Variants in CDH8 observed in about 807,000 individuals in gnomAD.
CDH8 encodes cadherin-8.
In CDH8, 17 loss-of-function variants were observed where a neutral mutation model predicts 68.1. The observed-to-expected ratio is 0.25, with a 90% CI of 0.17 to 0.37. CDH8 has a LOEUF of 0.37. Ranked by LOEUF, CDH8 falls within the 10% of genes least tolerant of loss-of-function variation. CDH8 has a pLI of 1.00. For missense variants in CDH8, 763 were observed against 999.3 expected, an observed-to-expected ratio of 0.76 and a Z score of 3.19; for synonymous variants, 372 against 365.1, an observed-to-expected ratio of 1.02 and a Z score of -0.21.
intron 7 of CDH8, among the ~76,000 whole-genome samples, chr16:61,799,258 C>T (rs968743056): frequency 6.6e-6 from 1 of 152,060 alleles, no homozygotes; most frequent in Non-Finnish European, 1.5e-5. Context: ...GAAATAGAGT[C>T]AAGGTTGACA....
chr16:61,972,688 A>G (rs1170729801), intron 2 of CDH8, among the ~76,000 whole-genome samples: 2 of 151,902 alleles, frequency 1.3e-5, no homozygotes, highest in Non-Finnish European at 2.9e-5. Context: ...GAGCAGGAAT[A>G]TGACCCAATC....
intron 8 of CDH8, among the ~76,000 whole-genome samples, chr16:61,778,841 T>C (rs1039672722): frequency 2.6e-5 from 4 of 152,152 alleles, no homozygotes; most frequent in African/African-American, 9.7e-5. Context: ...ATGAACTGCC[T>C]ATAAAGGTAT....
intron 8 of CDH8, among the ~76,000 whole-genome samples, chr16:61,740,200 C>T (rs1012768500): frequency 1.2e-4 from 18 of 151,714 alleles, no homozygotes; most frequent in African/African-American, 3.4e-4. Flanking sequence ...CCACTGCGCC[C>T]GGCCAATATA....
At chr16:62,018,900 T>C (rs1480809557) in intron 2 of CDH8, among the ~76,000 whole-genome samples, 2 of 152,238 alleles carry the variant, frequency 1.3e-5, no homozygotes, top group African/African-American at 4.8e-5. Flanking sequence ...GCTGTTTACC[T>C]CTATCTCTAT....
chr16:61,662,926 T>C (rs1372920720), intron 10 of CDH8, among the ~76,000 whole-genome samples: 1 of 152,004 alleles, frequency 6.6e-6, no homozygotes, highest in Non-Finnish European at 1.5e-5. Context: ...CATTCTTTTG[T>C]AATGCTTTAC....
At chr16:61,781,468 A>G (rs1961053214) in intron 8 of CDH8, among the ~76,000 whole-genome samples, 1 of 152,088 alleles carries the variant, frequency 6.6e-6, no homozygotes, top group Admixed American at 6.5e-5. Flanking sequence ...AAAAAAAACT[A>G]CAATTAGCCA....
intron 2 of CDH8, among the ~76,000 whole-genome samples, chr16:61,958,555 A>C (rs557578770): frequency 6.6e-6 from 1 of 152,282 alleles, no homozygotes; most frequent in Non-Finnish European, 1.5e-5. Flanking sequence ...AAAAATATAA[A>C]GGTTAGAAGG....
At chr16:61,975,591 A>AT (rs1466805433) in intron 2 of CDH8, among the ~76,000 whole-genome samples, 1 of 152,132 alleles carries the variant, frequency 6.6e-6, no homozygotes, top group Non-Finnish European at 1.5e-5. Flanking sequence ...CAATAGTTTG[A>AT]TAAAAAAATC....
chr16:61,691,426 CAT>C (rs1179399803), intron 10 of CDH8, among the ~76,000 whole-genome samples: 1 of 151,664 alleles, frequency 6.6e-6, no homozygotes. Context: ...GCCTCCATCT[CAT>C]TATCCCTATA....
chr16:61,930,141 T>G (rs1002710139), intron 2 of CDH8, among the ~76,000 whole-genome samples: 4 of 152,228 alleles, frequency 2.6e-5, no homozygotes, highest in African/African-American at 2.4e-5. Flanking sequence ...CTTACTTATA[T>G]TTGTATTATC....
chr16:61,715,410 T>G (rs1392760063), intron 9 of CDH8, among the ~76,000 whole-genome samples: 1 of 151,628 alleles, frequency 6.6e-6, no homozygotes, highest in African/African-American at 2.4e-5. Context: ...CTCTGAAACT[T>G]CAATTTCTTG....
intron 4 of CDH8, among the ~76,000 whole-genome samples, chr16:61,842,111 G>C (rs1358532174): frequency 6.9e-6 from 1 of 144,088 alleles, no homozygotes; most frequent in Non-Finnish European, 1.5e-5. Flanking sequence ...ATTTCACCAT[G>C]CTAGCCAGGA....
intron 3 of CDH8, among the ~76,000 whole-genome samples, chr16:61,859,298 G>A (rs1383714456): frequency 6.6e-6 from 1 of 152,118 alleles, no homozygotes; most frequent in African/African-American, 2.4e-5. Flanking sequence ...AGAAGAATTG[G>A]GAGTAAAACC....
chr16:61,961,097 C>T (rs1026858248), intron 2 of CDH8, among the ~76,000 whole-genome samples: 7 of 152,090 alleles, frequency 4.6e-5, no homozygotes, highest in African/African-American at 1.7e-4. Flanking sequence ...GGGTGGATTA[C>T]TCGAGGTCAG....
chr16:61,739,037 T>C (rs1959787145), intron 8 of CDH8, among the ~76,000 whole-genome samples: 1 of 152,162 alleles, frequency 6.6e-6, no homozygotes, highest in Non-Finnish European at 1.5e-5. Flanking sequence ...TTATTGCTTC[T>C]CATGTCCCTT....
At chr16:61,790,934 A>T (rs1961363513) in intron 7 of CDH8, among the ~76,000 whole-genome samples, 1 of 151,970 alleles carries the variant, frequency 6.6e-6, no homozygotes, top group African/African-American at 2.4e-5. Flanking sequence ...TCATTAGAGA[A>T]GGTATGCATA....
chr16:61,821,156 CCATT>C (rs758287712), intron 5 of CDH8, 43 bp from the exon 6 acceptor site: 14 of 1,497,406 alleles, frequency 9.3e-6, no homozygotes, highest in South Asian at 1.2e-5. Flanking sequence ...CAAATTCCAA[CCATT>C]CATTCATTCA....
At chr16:61,801,226 T>C (rs971495908) in intron 7 of CDH8, among the ~76,000 whole-genome samples, 2 of 152,168 alleles carry the variant, frequency 1.3e-5, no homozygotes, top group Non-Finnish European at 2.9e-5. Flanking sequence ...TACAAATACA[T>C]GTAATTTGAT....
chr16:61,790,434 A>G (rs1961352174), intron 7 of CDH8, among the ~76,000 whole-genome samples: 1 of 152,084 alleles, frequency 6.6e-6, no homozygotes, highest in Admixed American at 6.6e-5. Context: ...GTAAGCAGTG[A>G]TGCACTAAAA....
Sources: allele counts gnomAD v4.1 joint callset (sites outside exome capture counted in the v4.1 genomes callset), GRCh38; gene constraint gnomAD v4.1.1; transcripts MANE v1.5; gene names NCBI Gene and HGNC (gene_info 2026-07-23, HGNC 2026-07-21).